ZMAT4: variants seen among roughly 807,000 people sequenced by gnomAD.
The protein encoded by ZMAT4 is zinc finger matrin-type 4.
A neutral mutation model predicts 28.7 loss-of-function variants in ZMAT4; 17 were observed. That is an observed-to-expected ratio of 0.59 (90% CI 0.41 to 0.89). The LOEUF (loss-of-function observed/expected upper bound fraction) is 0.89, where lower values mean the gene tolerates loss of function less well. Among genes scored for constraint, ZMAT4 ranks in the 40% least tolerant of loss-of-function variants. The probability of loss-of-function intolerance (pLI) is 0.00; values close to 1 mark genes in which losing one functional copy is unlikely to be tolerated. For missense variants in ZMAT4, 240 were observed against 283.8 expected (o/e 0.85, Z 1.11); for synonymous variants, 117 against 109.2 (o/e 1.07, Z -0.44).
In ZMAT4 at chr8:40,697,400, C is replaced by G. The variant is rs1809937864; in HGVS notation, c.194G>C (p.Gly65Ala). The stretch of plus-strand genomic sequence containing the variant: ...CTTATCCACCATGTCGGCATCACTT[C>G]CCTGCGCAGGGAGAAAGAAAGGCCA... Reference protein sequence around the residue: ...CPAKRLRSENGSDADMVDKNK... With the variant: ...CPAKRLRSENASDADMVDKNK... The change falls in exon 4 of 7, where the codon GGA (glycine) becomes GCA (alanine). Residue 65 changes from glycine (G) to alanine (A), a missense_variant and splice_region_variant. By Grantham distance (60) the Gly-to-Ala change is moderately conservative. Coordinates refer to ENST00000297737, the MANE Select transcript of ZMAT4 (RefSeq NM_024645.3). 1.3e-6 allele frequency: 2 copies of G among 1,578,590 alleles called. No homozygotes were observed.
intron 5 of ZMAT4, among the ~76,000 whole-genome samples, chr8:40,654,389 T>C (rs571068280): frequency 6.6e-6 from 1 of 152,276 alleles, no homozygotes; most frequent in East Asian, 1.9e-4. Context: ...AAGCATCACA[T>C]ACATAAAGCT....
rs28742988 is a variant in ZMAT4 at position 40,544,424 on chromosome 8, C to T, written c.675-12186G>A. 1.2e-3 allele frequency among the ~76,000 whole-genome samples: 177 copies of T among 152,208 alleles called. 1 individual carries two copies. Among genetic ancestry groups the T allele is most frequent in the African/African-American group, 3.9e-3 (163 of 41,536 alleles). ...GACTTCAAAAAGATCAAAGGATCAG[C>T]GTGTTATTCTGTCTCACAAAGAGCC... is the stretch of plus-strand genomic sequence containing the variant. On this transcript the variant is annotated intron_variant, in intron 6 of 6. Transcript: ENST00000297737.
chr8:40,615,538 T>G (rs1805969781), intron 5 of ZMAT4, among the ~76,000 whole-genome samples: 1 of 152,224 alleles, frequency 6.6e-6, no homozygotes, highest in Non-Finnish European at 1.5e-5. Flanking sequence ...CTTGGTTCCA[T>G]TCTCCCCGTC....
chr8:40,773,978 T>C (rs1247506217), intron 2 of ZMAT4, among the ~76,000 whole-genome samples: 1 of 152,006 alleles, frequency 6.6e-6, no homozygotes, highest in Non-Finnish European at 1.5e-5. Context: ...AGTCAATAAT[T>C]TGGGACTAAA....
intron 1 of ZMAT4, among the ~76,000 whole-genome samples, chr8:40,845,111 A>C (rs1816838478): frequency 6.6e-6 from 1 of 152,164 alleles, no homozygotes; most frequent in Non-Finnish European, 1.5e-5. Flanking sequence ...CTCTGGGTAG[A>C]ATATCAATCA....
chr8:40,596,272 A>G (rs1805099999), intron 5 of ZMAT4, among the ~76,000 whole-genome samples: 1 of 152,188 alleles, frequency 6.6e-6, no homozygotes, highest in African/African-American at 2.4e-5. Flanking sequence ...CAGACTTTAT[A>G]AACACTGTAC....
chr8:40,778,974 T>A (rs1813715086), intron 2 of ZMAT4, among the ~76,000 whole-genome samples: 2 of 152,216 alleles, frequency 1.3e-5, no homozygotes, highest in Non-Finnish European at 2.9e-5. Context: ...ATTATATATT[T>A]TGGAAATATA....
intron 4 of ZMAT4, among the ~76,000 whole-genome samples, chr8:40,689,877 A>T (rs1809584352): frequency 6.6e-6 from 1 of 152,172 alleles, no homozygotes; most frequent in South Asian, 2.1e-4. Context: ...ACATCATAAA[A>T]GATGCTGAGA....
At chr8:40,731,120 C>A (rs2150526115) in intron 3 of ZMAT4, among the ~76,000 whole-genome samples, 1 of 146,930 alleles carries the variant, frequency 6.8e-6, no homozygotes, top group African/African-American at 2.4e-5. Flanking sequence ...GTGCAAAGAG[C>A]TGGGGGGACA....
At chr8:40,549,060 C>T (rs1272603982) in intron 6 of ZMAT4, among the ~76,000 whole-genome samples, 1 of 151,994 alleles carries the variant, frequency 6.6e-6, no homozygotes, top group Non-Finnish European at 1.5e-5. Context: ...ATGAGGCCTC[C>T]ACCCTCATGA....
intron 3 of ZMAT4, among the ~76,000 whole-genome samples, chr8:40,717,186 T>TTAAGTCCCAATTTG (rs1468925335): frequency 6.6e-6 from 1 of 152,230 alleles, no homozygotes; most frequent in Non-Finnish European, 1.5e-5. Flanking sequence ...ATGAAGGTCC[T>TTAAGTCCCAATTTG]TAAGTCCCAA....
At chr8:40,759,575 A>T (rs1242046363) in intron 3 of ZMAT4, among the ~76,000 whole-genome samples, 2 of 152,126 alleles carry the variant, frequency 1.3e-5, no homozygotes, top group Non-Finnish European at 2.9e-5. Flanking sequence ...ATCGGCTGAC[A>T]ACTTGATCTC....
intron 3 of ZMAT4, among the ~76,000 whole-genome samples, chr8:40,765,657 T>G (rs1415652278): frequency 6.6e-6 from 1 of 152,216 alleles, no homozygotes; most frequent in Non-Finnish European, 1.5e-5. Context: ...TAAACTGTCC[T>G]TGCGGTTATT....
intron 6 of ZMAT4, among the ~76,000 whole-genome samples, chr8:40,579,151 A>AT: frequency 6.6e-6 from 1 of 152,336 alleles, no homozygotes. Context: ...ATGAAGTTAT[A>AT]TATGTACAGA....
chr8:40,858,787 C>T (rs531375137), intron 1 of ZMAT4, among the ~76,000 whole-genome samples: 2 of 152,272 alleles, frequency 1.3e-5, no homozygotes, highest in Admixed American at 6.5e-5. Flanking sequence ...TCTTCTCCAC[C>T]GTGCTCATCT....
chr8:40,549,759 T>C (rs1803312323), intron 6 of ZMAT4, among the ~76,000 whole-genome samples: 1 of 152,146 alleles, frequency 6.6e-6, no homozygotes, highest in Non-Finnish European at 1.5e-5. Flanking sequence ...AAAAAACTAA[T>C]TGAGTCCTTC....
intron 5 of ZMAT4, among the ~76,000 whole-genome samples, chr8:40,637,803 T>C (rs1300067004): frequency 6.6e-6 from 1 of 152,184 alleles, no homozygotes; most frequent in Admixed American, 6.5e-5. Context: ...CAATAGTATA[T>C]AGCACGTGCT....
rs183141764 is a variant in ZMAT4, at chr8:40,629,914, A to T, written c.577+44790T>A. Among the ~76,000 whole-genome samples, 21 of 152,298 alleles carry T rather than the reference A, an allele frequency of 1.4e-4. No individual in the cohort carries two copies. The East Asian group carries it at 3.7e-3, about 27-fold the overall frequency. On this transcript the variant is annotated intron_variant, in intron 5 of 6. Coordinates refer to ENST00000297737, the MANE Select transcript of ZMAT4 (RefSeq NM_024645.3). ...CAGCATGATTTATAATCCTTTAGGT[A>T]TATATCCAGTAATGGGATGGCTGGG... is the stretch of plus-strand genomic sequence containing the variant.
chr8:40,818,250 G>A (rs1475951549), intron 2 of ZMAT4, among the ~76,000 whole-genome samples: 5 of 152,170 alleles, frequency 3.3e-5, no homozygotes, highest in Admixed American at 2.6e-4. Context: ...TGCTGGCCCT[G>A]CTGGAATAAA....
Sources: allele counts gnomAD v4.1 joint callset (sites outside exome capture counted in the v4.1 genomes callset), GRCh38; gene constraint gnomAD v4.1.1; transcripts MANE v1.5; gene names NCBI Gene and HGNC (gene_info 2026-07-23, HGNC 2026-07-21).